RBFOX2: variants seen among roughly 807,000 people sequenced by gnomAD.
RBFOX2 encodes the protein RNA binding protein fox-1 homolog 2.
In RBFOX2, 10 loss-of-function variants were observed where a neutral mutation model predicts 49.1. The ratio of observed to expected loss-of-function variants is 0.20; its 90% CI spans 0.13 to 0.35. RBFOX2 has a LOEUF of 0.35. RBFOX2 is among the 10% of genes least tolerant of loss of function. The pLI is 1.00. For missense variants in RBFOX2, 323 were observed against 486.9 expected, an observed-to-expected ratio of 0.66 and a Z score of 3.17; for synonymous variants, 183 against 187.4, an observed-to-expected ratio of 0.98 and a Z score of 0.19.
intron 1 of RBFOX2, among the ~76,000 whole-genome samples, chr22:35,909,662 A>T (rs899365224): frequency 7.4e-4 from 112 of 152,214 alleles, no homozygotes; most frequent in African/African-American, 2.6e-3. Flanking sequence ...CCCCTGTTGG[A>T]GCGAAGTGGC....
upstream of RBFOX2, among the ~76,000 whole-genome samples, chr22:35,843,941 A>G (rs1338491470): frequency 6.6e-6 from 1 of 152,226 alleles, no homozygotes; most frequent in East Asian, 1.9e-4. Context: ...AAGGTGTTCC[A>G]ACTCATTCTA....
chr22:35,812,460 T>TA (rs1361956318), intron 1 of RBFOX2, among the ~76,000 whole-genome samples: 1 of 152,176 alleles, frequency 6.6e-6, no homozygotes, highest in Non-Finnish European at 1.5e-5. Flanking sequence ...ATAAAATAGT[T>TA]ATCTCCCTTC....
At chr22:35,970,805 A>G (rs945138615) in intron 1 of RBFOX2, among the ~76,000 whole-genome samples, 4 of 152,210 alleles carry the variant, frequency 2.6e-5, no homozygotes, top group African/African-American at 9.6e-5. Flanking sequence ...TATCCTAATA[A>G]GCTCACATTT....
At chr22:35,851,830 C>CAAAA (rs767671559) in intron 1 of RBFOX2, among the ~76,000 whole-genome samples, 1 of 113,180 alleles carries the variant, frequency 8.8e-6, no homozygotes, top group Non-Finnish European at 1.9e-5. Flanking sequence ...AACTCCATCT[C>CAAAA]AAAAAAAAAA....
intron 1 of RBFOX2, among the ~76,000 whole-genome samples, chr22:35,836,018 CA>C (rs1957591249): frequency 6.6e-6 from 1 of 151,964 alleles, no homozygotes; most frequent in South Asian, 2.1e-4. Context: ...TCCAACTCCC[CA>C]AATCCTGCAA....
At chr22:35,894,636 G>A (rs2047620717) in intron 1 of RBFOX2, among the ~76,000 whole-genome samples, 1 of 151,566 alleles carries the variant, frequency 6.6e-6, no homozygotes, top group African/African-American at 2.4e-5. Flanking sequence ...ATAGGGGGAG[G>A]AAAAAAAACA....
At chr22:35,944,030 C>A (rs2053995542) in intron 1 of RBFOX2, among the ~76,000 whole-genome samples, 1 of 152,176 alleles carries the variant, frequency 6.6e-6, no homozygotes, top group African/African-American at 2.4e-5. Flanking sequence ...CCTATATGTA[C>A]CTACATCTGT....
At chr22:35,793,910 G>A (rs1417994002) in intron 2 of RBFOX2, among the ~76,000 whole-genome samples, 1 of 152,078 alleles carries the variant, frequency 6.6e-6, no homozygotes, top group African/African-American at 2.4e-5. Context: ...AATTATGAAA[G>A]GCATCATTTG....
chr22:35,887,490 T>C (rs1238352038), intron 1 of RBFOX2, among the ~76,000 whole-genome samples: 1 of 152,172 alleles, frequency 6.6e-6, no homozygotes, highest in Non-Finnish European at 1.5e-5. Context: ...GCCCCTGAGA[T>C]TACTGTTGCT....
intron 4 of RBFOX2, among the ~76,000 whole-genome samples, chr22:35,772,440 G>A (rs980284354): frequency 2.0e-5 from 3 of 152,058 alleles, no homozygotes; most frequent in African/African-American, 4.8e-5. Context: ...CATTATTAGT[G>A]AGATGCTTAA....
exon 1 of RBFOX2, chr22:35,840,551 ACAT>A: frequency 8.4e-7 from 1 of 1,196,224 alleles, no homozygotes; most frequent in Non-Finnish European, 1.0e-6. Context: ...CAGCAGGCTG[ACAT>A]CTCCCAACTC....
At chr22:35,995,967 T>C (rs1171483259) in intron 1 of RBFOX2, 1 of 152,034 alleles carries the variant, frequency 6.6e-6, no homozygotes, top group Non-Finnish European at 1.5e-5. Flanking sequence ...ACTGCAGCCA[T>C]CCCAAGGGGC....
chr22:35,966,101 T>C (rs2056543822), upstream of RBFOX2, among the ~76,000 whole-genome samples: 1 of 152,202 alleles, frequency 6.6e-6, no homozygotes, highest in African/African-American at 2.4e-5. Context: ...ACTCTGCCTG[T>C]TTTGAAGTTT....
At chr22:35,840,336 C>A in exon 1 of RBFOX2, 4 of 1,565,528 alleles carry the variant, frequency 2.6e-6, no homozygotes, top group Non-Finnish European at 3.5e-6. Flanking sequence ...GGTAATTGAT[C>A]TCTCTTTATA....
rs570056734 is a variant in RBFOX2, at chr22:35,938,880, T to C, written c.-67A>G. 1.6e-4 allele frequency: 262 copies of C among 1,613,942 alleles called. 3 individuals carry two copies. In the South Asian group the frequency reaches 2.8e-3, roughly 17 times the overall value. On this transcript the variant is annotated 5_prime_UTR_variant, in exon 1 of 14. Coordinates refer to the RBFOX2 transcript ENST00000359369. Reference sequence around the variant, plus strand: ...CCCGCGCTGGGAATCCATGATAACCTGGAGTCAGAGGCTCGTTCTATGAGA... The same window carrying C: ...CCCGCGCTGGGAATCCATGATAACCCGGAGTCAGAGGCTCGTTCTATGAGA...
chr22:35,801,888 C>T (rs1949857921), intron 2 of RBFOX2, among the ~76,000 whole-genome samples: 1 of 152,038 alleles, frequency 6.6e-6, no homozygotes, highest in Non-Finnish European at 1.5e-5. Context: ...ACCAGAGCAT[C>T]CTAAAAATTT....
intron 2 of RBFOX2, among the ~76,000 whole-genome samples, chr22:35,800,698 GT>G (rs200249057): frequency 0.18 from 26,261 of 147,462 alleles, 2,854 homozygotes; most frequent in African/African-American, 0.31. Context: ...ATTGTACCTA[GT>G]TTTTTTTTTT....
Position 36,028,131 on chromosome 22 carries a change from C to T in RBFOX2, c.186+109G>A, listed in dbSNP as rs904300095. 1.1e-5 allele frequency: 14 copies of T among 1,311,076 alleles called. No homozygotes were observed. In the African/African-American group the frequency reaches 2.2e-4, roughly 20 times the overall value. 81.2% of individuals were successfully genotyped at this position (1,311,076 alleles called of 1,614,324 possible). ...GGCCCCGAATGGCCCCCCATCCCAC[C>T]TCCAACCCAGGACTCCCGGAGGCCC... On this transcript the variant is annotated intron_variant, in intron 1 of 13. Coordinates refer to the RBFOX2 transcript ENST00000438146.
Position 35,828,186 on chromosome 22 carries a change from AT to A in RBFOX2, c.27+12005del, listed in dbSNP as rs896807454. 2.7e-4 allele frequency among the ~76,000 whole-genome samples: 41 copies of A among 151,432 alleles called. No homozygotes were observed. In the East Asian group the frequency reaches 7.8e-3, roughly 29 times the overall value. On this transcript the variant is annotated intron_variant, in intron 1 of 11. Transcript: ENST00000405409. The stretch of plus-strand genomic sequence containing the variant: ...AAAAAAAAAAAAAAAAAAGAAACAG[AT>A]TTTTCTTTTTACCTGAAACTACTAA...
Sources: gnomAD v4.1 joint callset for allele counts (sites outside exome capture counted in the v4.1 genomes callset) on GRCh38, gnomAD v4.1.1 for gene constraint, MANE v1.5 for transcripts, NCBI Gene and HGNC (gene_info 2026-07-23, HGNC 2026-07-21) for gene names.